The following ZBTB20 variants were observed in gnomAD, a reference collection of about 807,000 sequenced individuals.
The protein encoded by ZBTB20 is zinc finger and BTB domain-containing protein 20.
A neutral mutation model predicts 56.9 loss-of-function variants in ZBTB20; 9 were observed. That is an observed-to-expected ratio of 0.16 (90% CI 0.10 to 0.28). The LOEUF (loss-of-function observed/expected upper bound fraction) is 0.28, where lower values mean the gene tolerates loss of function less well. Ranked by LOEUF, ZBTB20 falls within the 10% of genes least tolerant of loss-of-function variation. The pLI is 1.00. For synonymous variants in ZBTB20, 417 were observed against 420.7 expected (o/e 0.99, Z 0.11); for missense variants, 655 against 1,003.0 (o/e 0.65, Z 4.69).
At chr3:114,968,615 T>C (rs746037416) in intron 3 of ZBTB20, among the ~76,000 whole-genome samples, 7 of 152,090 alleles carry the variant, frequency 4.6e-5, no homozygotes, top group Admixed American at 2.0e-4. Context: ...ACTCCACATA[T>C]ACACCCAATG....
At chr3:114,373,510 C>T (rs78103331) in intron 10 of ZBTB20, among the ~76,000 whole-genome samples, 10,153 of 152,138 alleles carry the variant, frequency 0.067, 724 homozygotes, top group East Asian at 0.38. Context: ...CTTTCTATTC[C>T]TTCTGCCTGG....
At chr3:114,399,101 G>A (rs1305595258) in intron 7 of ZBTB20, among the ~76,000 whole-genome samples, 1 of 152,118 alleles carries the variant, frequency 6.6e-6, no homozygotes, top group East Asian at 1.9e-4. Flanking sequence ...GACTCAGCAG[G>A]TTCCCTAACA....
intron 1 of ZBTB20, among the ~76,000 whole-genome samples, chr3:115,110,706 C>T (rs993894471): frequency 6.6e-5 from 10 of 151,992 alleles, no homozygotes; most frequent in African/African-American, 1.2e-4. Flanking sequence ...AAAACAAATC[C>T]GGCCAGGTGT....
At chr3:115,120,976 A>G (rs1308572673) in intron 1 of ZBTB20, among the ~76,000 whole-genome samples, 1 of 152,118 alleles carries the variant, frequency 6.6e-6, no homozygotes, top group Admixed American at 6.5e-5. Flanking sequence ...TTGAAAAGGA[A>G]TTAAATTTCA....
intron 10 of ZBTB20, among the ~76,000 whole-genome samples, chr3:114,360,883 G>A (rs990212729): frequency 1.3e-5 from 2 of 152,014 alleles, no homozygotes; most frequent in Admixed American, 6.6e-5. Context: ...AAAAAGAATA[G>A]GACCTAAGTT....
intron 6 of ZBTB20, among the ~76,000 whole-genome samples, chr3:114,666,203 T>C (rs571770872): frequency 2.0e-5 from 3 of 152,158 alleles, no homozygotes; most frequent in Admixed American, 6.6e-5. Flanking sequence ...GTATAGTTCT[T>C]AGTAGCGGTA....
chr3:114,942,025 A>G (rs1177133541), intron 3 of ZBTB20, among the ~76,000 whole-genome samples: 1 of 146,244 alleles, frequency 6.8e-6, no homozygotes, highest in Non-Finnish European at 1.5e-5. Context: ...CTACTATCAC[A>G]AGATATACAT....
At chr3:114,838,852 C>T (rs1241760835) in intron 4 of ZBTB20, among the ~76,000 whole-genome samples, 2 of 151,856 alleles carry the variant, frequency 1.3e-5, no homozygotes, top group Non-Finnish European at 2.9e-5. Flanking sequence ...TTGGAGTTTG[C>T]CATCAGAGAG....
In ZBTB20 at chr3:115,071,256, G is replaced by A. The variant is rs2082399419; in HGVS notation, c.-544C>T. The stretch of plus-strand genomic sequence containing the variant: ...GACGGAGCAGAAATAGAGAATTCTT[G>A]ATTAACCAGGAGAAGAATATCATAG... On this transcript the variant is annotated 5_prime_UTR_variant, in exon 2 of 12. Transcript: ENST00000675478. 6.6e-6 allele frequency: 1 copy of A among 152,086 alleles called. No homozygotes were observed. The highest frequency in any genetic ancestry group is 1.5e-5 in the Non-Finnish European group (1 of 68,016). 9.4% of individuals were successfully genotyped at this position (152,086 alleles called of 1,614,324 possible).
intron 6 of ZBTB20, among the ~76,000 whole-genome samples, chr3:114,573,778 G>A (rs534149612): frequency 6.6e-6 from 1 of 152,164 alleles, no homozygotes; most frequent in East Asian, 1.9e-4. Flanking sequence ...AATCATACAT[G>A]TATTCTTTTC....
At chr3:114,692,691 G>T (rs140383182) in intron 6 of ZBTB20, among the ~76,000 whole-genome samples, 3 of 152,190 alleles carry the variant, frequency 2.0e-5, no homozygotes, top group African/African-American at 7.2e-5. Flanking sequence ...GCTGTTTCAA[G>T]CTCTGATTGG....
chr3:114,475,349 T>C (rs572925642), intron 7 of ZBTB20, among the ~76,000 whole-genome samples: 1 of 152,272 alleles, frequency 6.6e-6, no homozygotes, highest in African/African-American at 2.4e-5. Context: ...AGCATTTCAC[T>C]TTTCACTATT....
At chr3:114,754,877 T>C (rs186422074) in intron 5 of ZBTB20, among the ~76,000 whole-genome samples, 1 of 152,304 alleles carries the variant, frequency 6.6e-6, no homozygotes, top group East Asian at 1.9e-4. Flanking sequence ...TAGTTAGTGT[T>C]AATACAGTAT....
intron 5 of ZBTB20, among the ~76,000 whole-genome samples, chr3:114,792,919 A>T (rs190001109): frequency 7.2e-6 from 1 of 139,036 alleles, no homozygotes; most frequent in East Asian, 2.1e-4. Flanking sequence ...TTTGTTGCCC[A>T]GGCTGGAGTG....
chr3:114,832,411 C>T (rs1354287159), intron 4 of ZBTB20, among the ~76,000 whole-genome samples: 2 of 151,936 alleles, frequency 1.3e-5, no homozygotes, highest in African/African-American at 4.8e-5. Context: ...ACTTTATTGT[C>T]CATCCCCAGA....
intron 5 of ZBTB20, among the ~76,000 whole-genome samples, chr3:114,727,110 A>T (rs918644665): frequency 6.6e-6 from 1 of 151,998 alleles, no homozygotes; most frequent in Non-Finnish European, 1.5e-5. Context: ...TTACCTAGGG[A>T]TCAAAATTCT....
intron 10 of ZBTB20, among the ~76,000 whole-genome samples, chr3:114,364,878 T>C (rs2082242483): frequency 6.6e-6 from 1 of 152,172 alleles, no homozygotes; most frequent in African/African-American, 2.4e-5. Flanking sequence ...TGGCCTTTTC[T>C]CCTTTTAGTT....
intron 6 of ZBTB20, among the ~76,000 whole-genome samples, chr3:114,568,793 G>A (rs952480777): frequency 1.3e-5 from 2 of 152,226 alleles, no homozygotes. Flanking sequence ...TACAATGATA[G>A]TAGTAAGTAA....
intron 3 of ZBTB20, among the ~76,000 whole-genome samples, chr3:114,970,646 G>T (rs1393807968): frequency 1.3e-5 from 2 of 152,042 alleles, no homozygotes; most frequent in Admixed American, 1.3e-4. Context: ...GTCAACTCTG[G>T]AAGCTGCATT....
Sources: gnomAD v4.1 joint callset for allele counts (sites outside exome capture counted in the v4.1 genomes callset) on GRCh38, gnomAD v4.1.1 for gene constraint, MANE v1.5 for transcripts, NCBI Gene and HGNC (gene_info 2026-07-23, HGNC 2026-07-21) for gene names.